The following GABBR2 variants were observed in gnomAD, a reference collection of about 807,000 sequenced individuals.
GABBR2 encodes the protein gamma-aminobutyric acid type B receptor subunit 2, also known as G-protein coupled receptor 51.
Under a neutral mutation model 105.6 loss-of-function variants are expected in GABBR2, and 23 were observed. The observed-to-expected ratio is 0.22, with a 90% CI of 0.16 to 0.31. The LOEUF (loss-of-function observed/expected upper bound fraction) is 0.31, where lower values mean the gene tolerates loss of function less well. Ranked by LOEUF, GABBR2 falls within the 10% of genes least tolerant of loss-of-function variation. The pLI, the probability that GABBR2 is intolerant of heterozygous loss-of-function variation, is 1.00. For synonymous variants in GABBR2, 478 were observed against 499.7 expected (o/e 0.96, Z 0.58); for missense variants, 734 against 1,245.5 (o/e 0.59, Z 6.18).
In GABBR2 at chr9:98,388,829, A is replaced by T; in HGVS notation, c.1529+25T>A. ...GCTTGTCAATTTAGAAAGTGATATC[A>T]CAGAGGAGGACCAGGGTGGCTTACT... On this transcript the variant is annotated intron_variant, in intron 10 of 18. Transcript: ENST00000259455. The surrounding 1 kb of genome is among the most constrained non-coding windows in gnomAD (Gnocchi z 4.4). 6.3e-7 allele frequency: 1 copy of T among 1,596,762 alleles called. No individual in the cohort carries two copies. The highest frequency in any genetic ancestry group is 8.6e-7 in the Non-Finnish European group (1 of 1,167,206).
At chr9:98,381,800 T>C (rs1831981472) in intron 11 of GABBR2, among the ~76,000 whole-genome samples, 1 of 152,152 alleles carries the variant, frequency 6.6e-6, no homozygotes, top group Admixed American at 6.5e-5. Context: ...CTTTATGATT[T>C]ATTCATATCA....
At chr9:98,473,397 G>T in intron 5 of GABBR2, 51 bp from the exon 6 acceptor site, 1 of 1,243,980 alleles carries the variant, frequency 8.0e-7, no homozygotes, top group Non-Finnish European at 1.2e-6. Context: ...ACAGTTCAAG[G>T]CTCTGTGCCC....
intron 1 of GABBR2, among the ~76,000 whole-genome samples, chr9:98,622,429 G>C (rs1829681888): frequency 6.6e-6 from 1 of 152,126 alleles, no homozygotes; most frequent in Non-Finnish European, 1.5e-5. Flanking sequence ...ACCTCCCAAA[G>C]TGCTAACGCC....
At position 98,332,778 on chromosome 9, in the gene GABBR2, C is replaced by G. The variant is rs544867218; in HGVS notation, c.1894-21573G>C. On this transcript the variant is annotated intron_variant, in intron 13 of 18. Transcript: ENST00000259455. The stretch of plus-strand genomic sequence containing the variant: ...AAGAAAGAAAGAGCCTGAACAGACA[C>G]AGGAAAATCCTCCACGCCCATTGGC... 1.3e-5 allele frequency among the ~76,000 whole-genome samples: 2 copies of G among 152,254 alleles called. 1 individual carries two copies. The highest frequency in any genetic ancestry group is 2.9e-5 in the Non-Finnish European group (2 of 68,040).
intron 1 of GABBR2, among the ~76,000 whole-genome samples, chr9:98,587,421 G>C (rs1441552936): frequency 6.6e-6 from 1 of 151,972 alleles, no homozygotes. Flanking sequence ...TATTATCTTG[G>C]GTAGCAAAAC....
Position 98,546,843 on chromosome 9 carries a change from T to G in GABBR2, c.460-4800A>C, listed in dbSNP as rs553463666. Reference sequence around the variant, plus strand: ...CCGCTGGTTTTCAACTTTGTATCTATTCTTCTCTATTCTGGCTATGTGAAT... The same window carrying G: ...CCGCTGGTTTTCAACTTTGTATCTAGTCTTCTCTATTCTGGCTATGTGAAT... On this transcript the variant is annotated intron_variant, in intron 2 of 18. Coordinates refer to ENST00000259455, the MANE Select transcript of GABBR2 (RefSeq NM_005458.8). Among the ~76,000 whole-genome samples the G allele has an allele frequency of 6.6e-5, 4 of 60,316 alleles. 2 individuals carry two copies. In the South Asian group the frequency reaches 2.1e-3, roughly 32 times the overall value. 39.6% of individuals were successfully genotyped at this position (60,316 alleles called of 152,430 possible). A position where few individuals can be genotyped will look rare whatever the true frequency, so the allele number is the denominator to read the frequency against.
intron 13 of GABBR2, among the ~76,000 whole-genome samples, chr9:98,354,414 G>A (rs1831451842): frequency 6.6e-6 from 1 of 152,226 alleles, no homozygotes; most frequent in South Asian, 2.1e-4. Context: ...CTGTGGCTAT[G>A]AAAGACCTAG....
At chr9:98,340,547 A>C (rs1027554298) in intron 13 of GABBR2, among the ~76,000 whole-genome samples, 1 of 152,128 alleles carries the variant, frequency 6.6e-6, no homozygotes, top group Non-Finnish European at 1.5e-5. Flanking sequence ...GGCATAAGCC[A>C]CCACGCCTGG....
chr9:98,531,230 C>CACCA lies in GABBR2; in HGVS notation c.630+10642_630+10643insTGGT, dbSNP rs1042581911. Reference sequence around the variant, plus strand: ...TGGCGTTGGCACCACAGACCCACGGCCAGTCACCCTAGCCTCTCTGAGCGG... The same window carrying CACCA: ...TGGCGTTGGCACCACAGACCCACGGCACCACAGTCACCCTAGCCTCTCTGAGCGG... On this transcript the variant is annotated intron_variant, in intron 3 of 18. Coordinates refer to ENST00000259455, the MANE Select transcript of GABBR2 (RefSeq NM_005458.8). 2.0e-5 allele frequency among the ~76,000 whole-genome samples: 3 copies of CACCA among 152,204 alleles called. No individual in the cohort carries two copies. In the East Asian group the frequency reaches 5.8e-4, roughly 29 times the overall value.
chr9:98,399,067 A>G (rs1184480965), intron 8 of GABBR2, among the ~76,000 whole-genome samples: 1 of 152,000 alleles, frequency 6.6e-6, no homozygotes, highest in Non-Finnish European at 1.5e-5. Context: ...TTCAGAATTC[A>G]TCTTGGGGCC....
intron 2 of GABBR2, among the ~76,000 whole-genome samples, chr9:98,564,875 C>G (rs753020934): frequency 6.6e-6 from 1 of 152,094 alleles, no homozygotes; most frequent in Non-Finnish European, 1.5e-5. Context: ...GGTACCTCCT[C>G]CAGCTGGGAC....
intron 1 of GABBR2, among the ~76,000 whole-genome samples, chr9:98,677,339 C>T (rs1285773405): frequency 6.6e-6 from 1 of 152,160 alleles, no homozygotes. Flanking sequence ...AAGTCAAAAG[C>T]GAAGAGCCCT....
intron 3 of GABBR2, among the ~76,000 whole-genome samples, chr9:98,517,549 CT>C (rs1206330754): frequency 6.6e-6 from 1 of 152,188 alleles, no homozygotes; most frequent in Non-Finnish European, 1.5e-5. Context: ...AGACTTTAAG[CT>C]TTTCAAAATA....
At chr9:98,461,231 T>C (rs888273602) in intron 6 of GABBR2, among the ~76,000 whole-genome samples, 4 of 152,142 alleles carry the variant, frequency 2.6e-5, no homozygotes, top group African/African-American at 9.7e-5. Context: ...GTAAATGTGT[T>C]AGTAGATCTA....
At chr9:98,439,930 T>C (rs533480918) in intron 7 of GABBR2, among the ~76,000 whole-genome samples, 31 of 152,334 alleles carry the variant, frequency 2.0e-4, no homozygotes, top group Non-Finnish European at 3.4e-4. Flanking sequence ...TCTATAGGGG[T>C]AACTGGGGGG....
At chr9:98,702,532 A>C (rs1374231810) in intron 1 of GABBR2, among the ~76,000 whole-genome samples, 1 of 152,176 alleles carries the variant, frequency 6.6e-6, no homozygotes, top group Admixed American at 6.5e-5. Context: ...GGCTCCTTGC[A>C]GCTCCAGATT....
intron 13 of GABBR2, among the ~76,000 whole-genome samples, chr9:98,356,986 T>C (rs188883785): frequency 2.0e-5 from 3 of 152,378 alleles, no homozygotes; most frequent in Non-Finnish European, 4.4e-5. Context: ...TCTAACTATA[T>C]GACATTCTGG....
chr9:98,506,155 G>A (rs961457863), intron 3 of GABBR2, among the ~76,000 whole-genome samples: 1 of 152,190 alleles, frequency 6.6e-6, no homozygotes, highest in African/African-American at 2.4e-5. Context: ...TCGTGGAAAT[G>A]TGGGTGCCTG....
intron 1 of GABBR2, among the ~76,000 whole-genome samples, chr9:98,648,099 G>GTA (rs1830052256): frequency 1.0e-4 from 9 of 86,186 alleles, no homozygotes; most frequent in Admixed American, 1.0e-3. Context: ...GTGTGTGTGT[G>GTA]TGTGTGTGTG....
Sources: gnomAD v4.1 joint callset for allele counts (sites outside exome capture counted in the v4.1 genomes callset) on GRCh38, gnomAD v4.1.1 for gene constraint, Gnocchi (gnomAD v3.1) non-coding constraint, MANE v1.5 for transcripts, NCBI Gene and HGNC (gene_info 2026-07-23, HGNC 2026-07-21) for gene names.